The following IZUMO2 variants were observed in gnomAD, a reference collection of about 807,000 sequenced individuals.
IZUMO2 encodes IZUMO family member 2, also known as izumo sperm-egg fusion protein 2.
A neutral mutation model predicts 31.2 loss-of-function variants in IZUMO2; 24 were observed. That is an observed-to-expected ratio of 0.77 (90% CI 0.56 to 1.08). The LOEUF is 1.08. IZUMO2 is among the 50% of genes least tolerant of loss of function. IZUMO2 has a pLI of 0.00. For synonymous variants in IZUMO2, 144 were observed against 117.3 expected, an observed-to-expected ratio of 1.23 and a Z score of -1.47; for missense variants, 278 against 274.0, an observed-to-expected ratio of 1.01 and a Z score of -0.10.
At chr19:50,156,293 G>A (rs2030209923) in intron 5 of IZUMO2, among the ~76,000 whole-genome samples, 1 of 152,108 alleles carries the variant, frequency 6.6e-6, no homozygotes, top group Non-Finnish European at 1.5e-5. Context: ...ATCGAAGCTA[G>A]GGATGTTGCT....
chr19:50,162,899 C>T, intron 1 of IZUMO2, 64 bp downstream of exon 1: 1 of 1,607,454 alleles, frequency 6.2e-7, no homozygotes, highest in Non-Finnish European at 8.5e-7. Flanking sequence ...CCCGACCCCT[C>T]TTGGGGGCGT....
chr19:50,161,267 G>A (rs2030391922), intron 2 of IZUMO2, among the ~76,000 whole-genome samples: 1 of 151,942 alleles, frequency 6.6e-6, no homozygotes, highest in African/African-American at 2.4e-5. Context: ...TGGGATTACA[G>A]GAGTGCCACC....
rs117623845 is a variant in IZUMO2, at chr19:50,155,504, T to C, written c.497-778A>G. On this transcript the variant is annotated intron_variant, in intron 5 of 6. Transcript: ENST00000293405. ...AGTCTTAGTTGCTGCATCTTAGCTATTGGCCCTGAAGGTGGCCTTGGGAGT... is the reference window on the plus strand; with the variant it reads ...AGTCTTAGTTGCTGCATCTTAGCTACTGGCCCTGAAGGTGGCCTTGGGAGT... 9.2e-5 allele frequency among the ~76,000 whole-genome samples: 14 copies of C among 152,368 alleles called. No homozygotes were observed. In the East Asian group the frequency reaches 2.1e-3, roughly 23 times the overall value.
At position 50,163,013 on chromosome 19, in the gene IZUMO2, T is replaced by C; in HGVS notation, c.182A>G (p.Glu61Gly). The change falls in exon 1 of 7, where the codon GAG becomes GGG. Residue 61 changes from glutamate to glycine, a missense_variant. Glu to Gly is a moderately conservative substitution (Grantham distance 98). Coordinates refer to ENST00000293405, the MANE Select transcript of IZUMO2 (RefSeq NM_152358.3). The part of the protein sequence containing the change: ...ARAGAVLMGM[E>G]GPFFRDYALN... ...CGCGTAGTCCCGGAAGAAAGGCCCCTCCATGCCCATCAGCACGGCCCCGGC... is the reference window on the plus strand; with the variant it reads ...CGCGTAGTCCCGGAAGAAAGGCCCCCCCATGCCCATCAGCACGGCCCCGGC... The C allele has an allele frequency of 1.2e-6, 2 of 1,611,786 alleles. No individual in the cohort carries two copies. The highest frequency in any genetic ancestry group is 8.5e-7 in the Non-Finnish European group (1 of 1,178,698).
intron 2 of IZUMO2, among the ~76,000 whole-genome samples, chr19:50,162,139 C>T (rs556389355): frequency 6.6e-6 from 1 of 151,886 alleles, no homozygotes; most frequent in East Asian, 1.9e-4. Context: ...AAAAATTAGC[C>T]GGGCATGGTG....
Position 50,162,773 on chromosome 19 carries a change from G to A in IZUMO2, c.273C>T (p.Asn91=), listed in dbSNP as rs774443090. Residue 91 remains asparagine, a synonymous_variant, in exon 2 of 7, where the codon AAC becomes AAT. Transcript: ENST00000293405. ...AGTTACCCATTAAGTGCTGCGTTTG[G>A]TTCTTGACAAAGGACGCCACAAGGT... is the stretch of plus-strand genomic sequence containing the variant. ...QLDLVASFVK[N]QTQHLMGNSL... The A allele has an allele frequency of 2.5e-6, 4 of 1,614,020 alleles. No individual in the cohort carries two copies. Among genetic ancestry groups the A allele is most frequent in the East Asian group, 2.2e-5 (1 of 44,876 alleles).
chr19:50,153,996 C>T (rs1442384213), intron 6 of IZUMO2, among the ~76,000 whole-genome samples: 1 of 53,994 alleles, frequency 1.9e-5, no homozygotes, highest in Non-Finnish European at 3.3e-5. Context: ...AGAGAGGGGC[C>T]GGAGAAGGGG....
intron 2 of IZUMO2, among the ~76,000 whole-genome samples, chr19:50,161,709 C>A (rs1474191652): frequency 6.6e-6 from 1 of 152,206 alleles, no homozygotes; most frequent in African/African-American, 2.4e-5. Context: ...TCTTTTCTCA[C>A]ATGCTCCTTT....
At chr19:50,154,264 GTTTTTTTTTTTTTTTTTTT>G (rs71180675) in intron 6 of IZUMO2, among the ~76,000 whole-genome samples, 1 of 79,282 alleles carries the variant, frequency 1.3e-5, no homozygotes, top group African/African-American at 4.6e-5. Flanking sequence ...AACTTTTAGC[GTTTTTTTTTTTTTTTTTTT>G]TTTTTTTTTT....
chr19:50,153,949 CAGAGAGAG>C (rs142517921), intron 6 of IZUMO2: 1 of 131,634 alleles, frequency 7.6e-6, no homozygotes, highest in African/African-American at 2.8e-5. Flanking sequence ...TTGGAGGAGG[CAGAGAGAG>C]AGAGAGAGAA....
rs758141369 is a variant in IZUMO2, at chr19:50,152,661, G to A, written c.624-10C>T. On this transcript the variant is annotated splice_polypyrimidine_tract_variant and intron_variant, in intron 6 of 6. Transcript: ENST00000293405. ...TCTGTATGTACAAGCCCTGGTCAGA[G>A]AGAAAAAGCCTGTAGATTAGAATGA... 1 of 1,610,348 alleles carries A rather than the reference G, an allele frequency of 6.2e-7. No homozygotes were observed.
At position 50,162,768 on chromosome 19, in the gene IZUMO2, G is replaced by A. The variant is rs1334566025; in HGVS notation, c.278C>T (p.Thr93Met). The change falls in exon 2 of 7, where the codon ACG becomes ATG. Residue 93 changes from threonine (T) to methionine (M), a missense_variant. Thr to Met is a moderately conservative substitution (Grantham distance 81). Coordinates refer to ENST00000293405, the MANE Select transcript of IZUMO2 (RefSeq NM_152358.3). ...DLVASFVKNQ[T>M]QHLMGNSLKD... ...CAGAGAGTTACCCATTAAGTGCTGCGTTTGGTTCTTGACAAAGGACGCCAC... is the reference window on the plus strand; with the variant it reads ...CAGAGAGTTACCCATTAAGTGCTGCATTTGGTTCTTGACAAAGGACGCCAC... 6.2e-7 allele frequency: 1 copy of A among 1,613,866 alleles called. No individual in the cohort carries two copies. Among genetic ancestry groups the A allele is most frequent in the Non-Finnish European group, 8.5e-7 (1 of 1,179,988 alleles).
At chr19:50,162,459 T>C (rs1430911655) in intron 2 of IZUMO2, among the ~76,000 whole-genome samples, 1 of 150,920 alleles carries the variant, frequency 6.6e-6, no homozygotes, top group Non-Finnish European at 1.5e-5. Context: ...AATTAAAAAG[T>C]AGAAAATTAG....
In IZUMO2 at chr19:50,159,589, A is replaced by C; in HGVS notation, c.308-9T>G. On this transcript the variant is annotated splice_polypyrimidine_tract_variant and intron_variant, in intron 2 of 6. Coordinates refer to ENST00000293405, the MANE Select transcript of IZUMO2 (RefSeq NM_152358.3). ...TTCCAGCAGAGGCTCATCTGAGGAG[A>C]GAAAGAGATCTCTGTGGGGTGGGAG... 2 of 1,598,474 alleles carry C rather than the reference A, an allele frequency of 1.3e-6. No individual in the cohort carries two copies. Among genetic ancestry groups the C allele is most frequent in the Non-Finnish European group, 1.7e-6 (2 of 1,165,996 alleles).
chr19:50,158,968 G>A (rs528775592), intron 4 of IZUMO2, among the ~76,000 whole-genome samples: 8 of 152,264 alleles, frequency 5.3e-5, no homozygotes, highest in South Asian at 4.2e-4. Context: ...CCTTTGTTGT[G>A]TTAAACCACC....
At position 50,159,219 on chromosome 19, in the gene IZUMO2, C is replaced by T. The variant is rs1209441797; in HGVS notation, c.415+11G>A. The T allele has an allele frequency of 6.2e-7, 1 of 1,610,116 alleles. No individual in the cohort carries two copies. The highest frequency in any genetic ancestry group is 1.1e-5 in the South Asian group (1 of 89,458). On this transcript the variant is annotated intron_variant, in intron 4 of 6. Transcript: ENST00000293405. The stretch of plus-strand genomic sequence containing the variant: ...GGTAGAGAAGGGAGAGATAGACGAT[C>T]CAGAACTCACGGCAAAGTTTGGGGT...
rs771685444 is a variant in IZUMO2 at position 50,158,358 on chromosome 19, G to A, written c.416-10C>T. ...TCTTCTTTTAGCAAGCCTAGGCAAG[G>A]GGAAAGGGAGAAGTAAGACAAGGGC... On this transcript the variant is annotated splice_polypyrimidine_tract_variant and intron_variant, in intron 4 of 6. Coordinates refer to ENST00000293405, the MANE Select transcript of IZUMO2 (RefSeq NM_152358.3). 1.3e-6 allele frequency: 2 copies of A among 1,586,296 alleles called. No homozygotes were observed. The highest frequency in any genetic ancestry group is 2.3e-5 in the East Asian group (1 of 44,166).
intron 5 of IZUMO2, among the ~76,000 whole-genome samples, chr19:50,155,660 A>C (rs2030190026): frequency 6.6e-6 from 1 of 152,118 alleles, no homozygotes; most frequent in Non-Finnish European, 1.5e-5. Flanking sequence ...GTCCAACCCC[A>C]GCCCACTGCT....
intron 6 of IZUMO2, among the ~76,000 whole-genome samples, chr19:50,154,291 T>G (rs1396848241): frequency 4.9e-5 from 7 of 142,540 alleles, no homozygotes; most frequent in African/African-American, 1.8e-4. Flanking sequence ...TTTTTTTTTT[T>G]TTTTTTAATG....
Sources: gnomAD v4.1 joint callset for allele counts (sites outside exome capture counted in the v4.1 genomes callset) on GRCh38, gnomAD v4.1.1 for gene constraint, MANE v1.5 for transcripts, NCBI Gene and HGNC (gene_info 2026-07-23, HGNC 2026-07-21) for gene names.